IGF1R: variants seen among roughly 807,000 people sequenced by gnomAD.
IGF1R encodes the protein insulin like growth factor 1 receptor.
Under a neutral mutation model 144.6 loss-of-function variants are expected in IGF1R, and 44 were observed. The observed-to-expected ratio is 0.30, with a 90% confidence interval of 0.24 to 0.39. The LOEUF is 0.39. IGF1R is among the 10% of genes least tolerant of loss of function. The pLI is 1.00. For synonymous variants in IGF1R, 795 were observed against 722.8 expected (o/e 1.10, Z -1.60); for missense variants, 1,355 against 1,833.7 (o/e 0.74, Z 4.77).
At chr15:98,718,178 T>G (rs2054166657) in intron 2 of IGF1R, among the ~76,000 whole-genome samples, 1 of 152,222 alleles carries the variant, frequency 6.6e-6, no homozygotes, top group South Asian at 2.1e-4. Context: ...GAAGCCGGGC[T>G]TCTGTTTCAT....
At chr15:98,878,663 C>CATAAAAAA (rs2013186332) in intron 2 of IGF1R, among the ~76,000 whole-genome samples, 1 of 57,904 alleles carries the variant, frequency 1.7e-5, no homozygotes, top group Admixed American at 2.0e-4. Flanking sequence ...GTGAAAGACT[C>CATAAAAAA]AAAAAAAAAA....
intron 6 of IGF1R, 23 bp downstream of exon 6, chr15:98,908,922 C>A: frequency 6.3e-7 from 1 of 1,598,252 alleles, no homozygotes; most frequent in Non-Finnish European, 8.6e-7. Flanking sequence ...ATCCAAAACA[C>A]CGTGGGCCCA....
At chr15:98,712,612 CTTT>C (rs71149413) in intron 2 of IGF1R, among the ~76,000 whole-genome samples, 5 of 143,886 alleles carry the variant, frequency 3.5e-5, no homozygotes, top group Non-Finnish European at 1.5e-5. Flanking sequence ...TCAGTATGCA[CTTT>C]TTTTTTTTTT....
chr15:98,951,713 G>C (rs57163192), intron 20 of IGF1R, among the ~76,000 whole-genome samples: 2 of 152,194 alleles, frequency 1.3e-5, no homozygotes, highest in African/African-American at 4.8e-5. Flanking sequence ...CCTGTTCTAC[G>C]TGGGCCTCTC....
intron 2 of IGF1R, among the ~76,000 whole-genome samples, chr15:98,817,404 GCATC>G (rs1263558922): frequency 6.6e-6 from 1 of 152,004 alleles, no homozygotes; most frequent in African/African-American, 2.4e-5. Context: ...CTAGTGATGA[GCATC>G]TAAGAAGAAA....
chr15:98,810,857 TTTTCTTAAGTGTAA>T (rs2056574979), intron 2 of IGF1R, among the ~76,000 whole-genome samples: 1 of 141,760 alleles, frequency 7.1e-6, no homozygotes, highest in South Asian at 2.1e-4. Flanking sequence ...CTCTAAATGA[TTTTCTTAAGTGTAA>T]TTCAGGAGTT....
chr15:98,749,185 GAATA>G (rs2054943605), intron 2 of IGF1R, among the ~76,000 whole-genome samples: 2 of 147,396 alleles, frequency 1.4e-5, no homozygotes, highest in Non-Finnish European at 1.5e-5. Flanking sequence ...TTTTTTTACA[GAATA>G]AATCTTTTTA....
intron 10 of IGF1R, among the ~76,000 whole-genome samples, chr15:98,917,405 G>A (rs932720925): frequency 2.0e-5 from 3 of 152,150 alleles, no homozygotes; most frequent in African/African-American, 7.2e-5. Flanking sequence ...AGTGTAGGGC[G>A]ACAGCCTGCA....
At chr15:98,780,103 A>T (rs572120642) in intron 2 of IGF1R, among the ~76,000 whole-genome samples, 181 of 145,224 alleles carry the variant, frequency 1.2e-3, no homozygotes, top group African/African-American at 1.7e-3. Context: ...TTTTTTTTTT[A>T]AATTTATGTA....
intron 2 of IGF1R, among the ~76,000 whole-genome samples, chr15:98,818,813 G>A (rs1000867856): frequency 2.0e-5 from 3 of 151,618 alleles, no homozygotes; most frequent in Non-Finnish European, 2.9e-5. Context: ...GGGATTAGGG[G>A]GTGGGGAGAC....
At chr15:98,735,901 C>T (rs906253997) in intron 2 of IGF1R, among the ~76,000 whole-genome samples, 2 of 152,212 alleles carry the variant, frequency 1.3e-5, no homozygotes, top group African/African-American at 4.8e-5. Flanking sequence ...CCTGCCTCCT[C>T]CCAAAGCTCT....
chr15:98,680,094 G>T (rs901914853), intron 1 of IGF1R, among the ~76,000 whole-genome samples: 10 of 151,998 alleles, frequency 6.6e-5, no homozygotes, highest in African/African-American at 2.4e-4. Flanking sequence ...ATTGAAGAAA[G>T]AAATTTTTAA....
At chr15:98,748,864 G>T (rs1278254302) in intron 2 of IGF1R, among the ~76,000 whole-genome samples, 1 of 152,160 alleles carries the variant, frequency 6.6e-6, no homozygotes, top group African/African-American at 2.4e-5. Context: ...TAGCTACAGT[G>T]GTTATTCCAG....
chr15:98,855,038 T>TAC (rs949809268), intron 2 of IGF1R, among the ~76,000 whole-genome samples: 8 of 152,124 alleles, frequency 5.3e-5, no homozygotes, highest in African/African-American at 1.9e-4. Flanking sequence ...ACCACCTTCA[T>TAC]ACAGCCCCTG....
chr15:98,821,790 A>C (rs559750084), intron 2 of IGF1R, among the ~76,000 whole-genome samples: 21 of 152,318 alleles, frequency 1.4e-4, no homozygotes, highest in African/African-American at 4.3e-4. Context: ...TCAGGAGCCA[A>C]GACTAGAAGT....
At chr15:98,951,681 T>C (rs1450251738) in intron 20 of IGF1R, among the ~76,000 whole-genome samples, 3 of 152,192 alleles carry the variant, frequency 2.0e-5, no homozygotes, top group African/African-American at 2.4e-5. Context: ...GCTGCATAGG[T>C]AGTATGCCCT....
At chr15:98,936,131 G>A (rs1289362393) in intron 17 of IGF1R, among the ~76,000 whole-genome samples, 1 of 152,120 alleles carries the variant, frequency 6.6e-6, no homozygotes, top group East Asian at 1.9e-4. Flanking sequence ...CTTTGCCACT[G>A]GGAATCTGGT....
intron 2 of IGF1R, among the ~76,000 whole-genome samples, chr15:98,807,711 A>G (rs1357693075): frequency 1.3e-5 from 2 of 152,266 alleles, no homozygotes; most frequent in African/African-American, 4.8e-5. Context: ...GGCCTGGGCC[A>G]TAGTGAAACA....
intron 13 of IGF1R, among the ~76,000 whole-genome samples, chr15:98,928,052 C>T (rs1428611846): frequency 1.3e-5 from 2 of 152,222 alleles, no homozygotes; most frequent in African/African-American, 2.4e-5. Context: ...CAGCATCCTT[C>T]ACTCTTCTTT....
Sources: gnomAD v4.1 joint callset for allele counts (sites outside exome capture counted in the v4.1 genomes callset) on GRCh38, gnomAD v4.1.1 for gene constraint, MANE v1.5 for transcripts, NCBI Gene and HGNC (gene_info 2026-07-23, HGNC 2026-07-21) for gene names.